Variants in GREB1L observed in about 807,000 individuals in gnomAD.
The protein encoded by GREB1L is GREB1 like retinoic acid receptor coactivator, also known as GREB1-like protein.
Under a neutral mutation model 200.8 loss-of-function variants are expected in GREB1L, and 17 were observed. That is an observed-to-expected ratio of 0.08 (90% CI 0.06 to 0.13). The LOEUF is 0.13. Ranked by LOEUF, GREB1L falls within the 10% of genes least tolerant of loss-of-function variation. The probability of loss-of-function intolerance (pLI) is 1.00; values close to 1 mark genes in which losing one functional copy is unlikely to be tolerated. For synonymous variants in GREB1L, 789 were observed against 893.0 expected (o/e 0.88, Z 2.08); for missense variants, 1,657 against 2,367.7 (o/e 0.70, Z 6.23).
Position 21,525,227 on chromosome 18 carries a change from T to C in GREB1L, c.*2406T>C, listed in dbSNP as rs1311928435. 5 of 152,096 alleles carry C rather than the reference T, an allele frequency of 3.3e-5. No homozygotes were observed. The highest frequency in any genetic ancestry group is 1.2e-4 in the African/African-American group (5 of 41,426). The allele number at this position is 152,096 out of a possible 1,614,324, so 9.4% of individuals were successfully genotyped here. A position where few individuals can be genotyped will look rare whatever the true frequency, so the allele number is the denominator to read the frequency against. ...TTTTTTTTGGCTGTAATTTATGCAA[T>C]TGCTTTTTGTGATTTTTAGAAAATG... On this transcript the variant is annotated 3_prime_UTR_variant, in exon 33 of 33. Transcript: ENST00000424526.
intron 19 of GREB1L, among the ~76,000 whole-genome samples, 188 bp from the exon 20 acceptor site, chr18:21,495,482 C>CG (rs1408843001): frequency 6.6e-6 from 1 of 152,158 alleles, no homozygotes; most frequent in African/African-American, 2.4e-5. Flanking sequence ...CTACAGCCCT[C>CG]GTTCCTTCAG....
intron 1 of GREB1L, among the ~76,000 whole-genome samples, chr18:21,286,270 C>T (rs899062067): frequency 2.0e-5 from 3 of 152,130 alleles, no homozygotes; most frequent in African/African-American, 7.2e-5. Flanking sequence ...ATTAGGAGAT[C>T]TCTTTGACTA....
At chr18:21,282,506 G>A (rs560359708) in intron 1 of GREB1L, among the ~76,000 whole-genome samples, 3 of 152,150 alleles carry the variant, frequency 2.0e-5, no homozygotes, top group East Asian at 3.9e-4. Flanking sequence ...TTTAAATTGT[G>A]ATGATAAAAC....
chr18:21,355,004 A>G (rs1485076202), intron 1 of GREB1L, among the ~76,000 whole-genome samples: 4 of 152,140 alleles, frequency 2.6e-5, no homozygotes, highest in East Asian at 3.9e-4. Flanking sequence ...AAGGAGGACA[A>G]TTAGACAAGT....
intron 1 of GREB1L, among the ~76,000 whole-genome samples, chr18:21,350,207 G>A (rs2039412509): frequency 6.6e-6 from 1 of 151,542 alleles, no homozygotes; most frequent in Admixed American, 6.6e-5. Flanking sequence ...TAAAATCAGG[G>A]AAAGGGAATA....
chr18:21,410,485 G>GGGCAACAGAGCTAGGC (rs2030841870), intron 7 of GREB1L, among the ~76,000 whole-genome samples: 1 of 151,540 alleles, frequency 6.6e-6, no homozygotes, highest in Admixed American at 6.6e-5. Context: ...GCAAAACCCT[G>GGGCAACAGAGCTAGGC]TCTCTCCAAA....
chr18:21,357,906 C>T (rs1347210272), intron 1 of GREB1L, among the ~76,000 whole-genome samples: 1 of 152,100 alleles, frequency 6.6e-6, no homozygotes, highest in Non-Finnish European at 1.5e-5. Context: ...ATGCCTCCAG[C>T]TTTGTTCTTT....
chr18:21,493,865 CAAA>C (rs35758360), intron 19 of GREB1L, among the ~76,000 whole-genome samples: 12 of 38,508 alleles, frequency 3.1e-4, no homozygotes, highest in East Asian at 1.2e-3. Flanking sequence ...GACCCTGTCT[CAAA>C]AAAAAAAAAA....
intron 1 of GREB1L, among the ~76,000 whole-genome samples, chr18:21,344,699 A>G (rs574280463): frequency 1.2e-4 from 18 of 152,372 alleles, no homozygotes; most frequent in Non-Finnish European, 1.8e-4. Context: ...ATGGATTTTA[A>G]TACAACTTCG....
intron 1 of GREB1L, among the ~76,000 whole-genome samples, chr18:21,314,457 G>A (rs949221882): frequency 3.1e-4 from 47 of 152,258 alleles, no homozygotes; most frequent in Middle Eastern, 3.4e-3. Flanking sequence ...ACACATAGTA[G>A]GCACTTGATA....
chr18:21,244,997 T>C (rs1341021546), intron 1 of GREB1L, among the ~76,000 whole-genome samples: 2 of 152,342 alleles, frequency 1.3e-5, no homozygotes, highest in Non-Finnish European at 2.9e-5. Context: ...ATAGCTAAGA[T>C]ATTTTAGTTA....
At chr18:21,509,618 ATTGT>A (rs1188828523) in intron 27 of GREB1L, among the ~76,000 whole-genome samples, 1 of 152,152 alleles carries the variant, frequency 6.6e-6, no homozygotes, top group African/African-American at 2.4e-5. Context: ...TTTGAATATA[ATTGT>A]TTATCACTTT....
chr18:21,461,411 C>T (rs1189126372), intron 15 of GREB1L, among the ~76,000 whole-genome samples: 1 of 152,216 alleles, frequency 6.6e-6, no homozygotes, highest in Non-Finnish European at 1.5e-5. Flanking sequence ...AGCTCCCCTC[C>T]TCCTACCAAC....
chr18:21,515,871 A>G (rs1057177024), intron 29 of GREB1L, among the ~76,000 whole-genome samples: 36 of 152,348 alleles, frequency 2.4e-4, no homozygotes, highest in African/African-American at 8.4e-4. Context: ...AAAACACTTT[A>G]GCCATCTCAT....
intron 2 of GREB1L, among the ~76,000 whole-genome samples, chr18:21,371,714 G>A (rs1026971004): frequency 6.6e-6 from 1 of 151,056 alleles, no homozygotes. Flanking sequence ...AACCTGGGAG[G>A]CGGAGCTTGC....
At chr18:21,342,634 G>T (rs145170923) in intron 1 of GREB1L, among the ~76,000 whole-genome samples, 7 of 152,232 alleles carry the variant, frequency 4.6e-5, no homozygotes, top group Middle Eastern at 3.4e-3. Flanking sequence ...TAACTAATGT[G>T]ATTTGTTCTC....
At chr18:21,374,217 T>G (rs2039985219) in intron 2 of GREB1L, among the ~76,000 whole-genome samples, 1 of 152,214 alleles carries the variant, frequency 6.6e-6, no homozygotes, top group African/African-American at 2.4e-5. Context: ...TTGCCCAGGC[T>G]GGTCTCAAAC....
intron 7 of GREB1L, among the ~76,000 whole-genome samples, chr18:21,434,417 A>G (rs1233654616): frequency 6.6e-6 from 1 of 151,018 alleles, no homozygotes; most frequent in Admixed American, 6.6e-5. Flanking sequence ...AAGAGGTTGC[A>G]GTGAGCCGAG....
intron 1 of GREB1L, among the ~76,000 whole-genome samples, chr18:21,328,669 T>A (rs571435209): frequency 6.6e-6 from 1 of 152,090 alleles, no homozygotes; most frequent in Non-Finnish European, 1.5e-5. Context: ...CATGTGTGTG[T>A]GTGTACGTGC....
Sources: gnomAD v4.1 joint callset for allele counts (sites outside exome capture counted in the v4.1 genomes callset) on GRCh38, gnomAD v4.1.1 for gene constraint, MANE v1.5 for transcripts, NCBI Gene and HGNC (gene_info 2026-07-23, HGNC 2026-07-21) for gene names.